The following DAAM2 variants were observed in gnomAD, a reference collection of about 807,000 sequenced individuals.
DAAM2 encodes the protein dishevelled associated activator of morphogenesis 2.
In DAAM2, 39 loss-of-function variants were observed where a neutral mutation model predicts 120.7. That is an observed-to-expected ratio of 0.32 (90% CI 0.25 to 0.42). The LOEUF (loss-of-function observed/expected upper bound fraction) is 0.42. Among genes scored for constraint, DAAM2 ranks in the 10% least tolerant of loss-of-function variants. DAAM2 has a pLI of 1.00. For synonymous variants in DAAM2, 488 were observed against 524.9 expected (o/e 0.93, Z 0.96); for missense variants, 1,283 against 1,401.7 (o/e 0.92, Z 1.35).
chr6:39,850,644 C>T (rs1763774734), intron 1 of DAAM2, among the ~76,000 whole-genome samples: 1 of 152,170 alleles, frequency 6.6e-6, no homozygotes. Flanking sequence ...CTTGCCTGAC[C>T]TCTGAGACTC....
intron 17 of DAAM2, among the ~76,000 whole-genome samples, chr6:39,889,447 T>C (rs1296571451): frequency 1.3e-5 from 2 of 152,150 alleles, no homozygotes; most frequent in African/African-American, 4.8e-5. Flanking sequence ...TGTGAAGCAA[T>C]TGGAATTCTC....
At chr6:39,810,031 A>G (rs554267122) in intron 1 of DAAM2, among the ~76,000 whole-genome samples, 1 of 152,294 alleles carries the variant, frequency 6.6e-6, no homozygotes, top group East Asian at 1.9e-4. Context: ...TCCATCTTCA[A>G]TCTGCATTCC....
chr6:39,827,092 C>T (rs1380674812), intron 1 of DAAM2, among the ~76,000 whole-genome samples: 1 of 152,122 alleles, frequency 6.6e-6, no homozygotes, highest in Non-Finnish European at 1.5e-5. Context: ...GTTGTTTCCA[C>T]TTAAGTAGAA....
rs140286991 is a variant in DAAM2, at chr6:39,824,165, G to A, written c.-57+31700G>A. On this transcript the variant is annotated intron_variant, in intron 1 of 24. Transcript: ENST00000274867. ...CCTAATTTTATCTCCTCAAGCGCAG[G>A]AGTCAATAGAACTTGGCTATCTCTG... Among the ~76,000 whole-genome samples, 588 of 152,294 alleles carry A rather than the reference G, an allele frequency of 3.9e-3. 2 individuals carry two copies. Among genetic ancestry groups the A allele is most frequent in the African/African-American group, 0.013 (531 of 41,564 alleles).
chr6:39,886,445 C>T (rs1213975383), intron 15 of DAAM2: 4 of 399,248 alleles, frequency 1.0e-5, no homozygotes, highest in Non-Finnish European at 1.3e-5. Context: ...TCCTTCTCAG[C>T]AGGTGAGTTA....
intron 9 of DAAM2, 112 bp downstream of exon 9, chr6:39,871,684 CTGGT>C: frequency 3.3e-6 from 3 of 906,670 alleles, no homozygotes; most frequent in Non-Finnish European, 5.0e-6. Flanking sequence ...GGCTGGTTCC[CTGGT>C]GGGCACCCCC....
At chr6:39,820,429 A>T (rs959929517) in intron 1 of DAAM2, 4 of 152,212 alleles carry the variant, frequency 2.6e-5, no homozygotes, top group Admixed American at 6.5e-5. Context: ...AATAGATTTA[A>T]TCATAGCCTT....
chr6:39,895,863 T>TGCTC lies in DAAM2; in HGVS notation c.2342-949_2342-948insGCTC, dbSNP rs1321831930. On this transcript the variant is annotated intron_variant, in intron 19 of 24. Transcript: ENST00000274867. ...TCTGGCAAAGATAACATTTAGAGCATTGGGGGAAAATGGTTAAGATGCCCA... is the reference window on the plus strand; with the variant it reads ...TCTGGCAAAGATAACATTTAGAGCATGCTCTGGGGGAAAATGGTTAAGATGCCCA... 2.2e-4 allele frequency among the ~76,000 whole-genome samples: 34 copies of TGCTC among 152,306 alleles called. No homozygotes were observed. In the East Asian group the frequency reaches 5.4e-3, roughly 24 times the overall value.
At chr6:39,803,975 A>T (rs1424146389) in intron 1 of DAAM2, among the ~76,000 whole-genome samples, 2 of 152,198 alleles carry the variant, frequency 1.3e-5, no homozygotes, top group Non-Finnish European at 2.9e-5. Context: ...GAATAGTCAC[A>T]GACTGAGACT....
intron 1 of DAAM2, among the ~76,000 whole-genome samples, chr6:39,806,574 A>T (rs1762014742): frequency 1.3e-5 from 2 of 151,716 alleles, no homozygotes; most frequent in South Asian, 4.2e-4. Context: ...GGCTTATTTA[A>T]AAAAAAATCC....
intron 3 of DAAM2, chr6:39,861,219 T>C: frequency 3.0e-6 from 2 of 657,844 alleles, no homozygotes; most frequent in Non-Finnish European, 5.6e-6. Context: ...GATTCTCTTT[T>C]TCAAAAACGC....
rs1293073248 is a variant in DAAM2, at chr6:39,904,551, T to A, written c.*2514T>A. On this transcript the variant is annotated 3_prime_UTR_variant, in exon 25 of 25. Transcript: ENST00000274867. The stretch of plus-strand genomic sequence containing the variant: ...GTCATCAACCTAACAAACACAACCT[T>A]CTCAGCAGCATTTCTCCCCTGTGAT... 1 of 453,758 alleles carries A rather than the reference T, an allele frequency of 2.2e-6. No homozygotes were observed. The highest frequency in any genetic ancestry group is 4.4e-6 in the Non-Finnish European group (1 of 226,972). The allele number at this position is 453,758 out of a possible 1,614,324, so 28.1% of individuals were successfully genotyped here.
Position 39,901,989 on chromosome 6 carries a change from G to A in DAAM2, c.3159G>A (p.Gln1053=). ...GCAGCCGCAAGCGATCAGGGAGCCA[G>A]GCCCTGGAAGTTACCCGGGAGCGGG... ...LKRSRKRSGS[Q]ALEVTRERAI... The change falls in exon 25 of 25, where the codon CAG becomes CAA. Residue 1053 remains glutamine, a synonymous_variant. Transcript: ENST00000274867. The surrounding 1 kb of genome is among the most constrained non-coding windows in gnomAD (Gnocchi z 4.5). 6.2e-7 allele frequency: 1 copy of A among 1,611,838 alleles called. No homozygotes were observed. The highest frequency in any genetic ancestry group is 8.5e-7 in the Non-Finnish European group (1 of 1,178,298).
At chr6:39,833,808 C>T (rs979677136) in intron 1 of DAAM2, among the ~76,000 whole-genome samples, 23 of 152,186 alleles carry the variant, frequency 1.5e-4, no homozygotes, top group African/African-American at 5.6e-4. Flanking sequence ...CTGGCATTTT[C>T]CAGAGGTAAA....
intron 1 of DAAM2, among the ~76,000 whole-genome samples, chr6:39,843,420 G>A (rs984743610): frequency 6.6e-6 from 1 of 152,168 alleles, no homozygotes; most frequent in African/African-American, 2.4e-5. Flanking sequence ...AAAGTAACTT[G>A]TCTCTGTTCA....
chr6:39,816,279 T>G (rs1762306987), intron 1 of DAAM2, among the ~76,000 whole-genome samples: 1 of 152,218 alleles, frequency 6.6e-6, no homozygotes, highest in Non-Finnish European at 1.5e-5. Flanking sequence ...AATGTATTTA[T>G]TTTTGCAATG....
intron 1 of DAAM2, among the ~76,000 whole-genome samples, chr6:39,837,618 G>C (rs1282899980): frequency 7.9e-6 from 1 of 126,816 alleles, no homozygotes; most frequent in Non-Finnish European, 1.5e-5. Flanking sequence ...AGCCGAGATC[G>C]CACCATTGCA....
intron 1 of DAAM2, among the ~76,000 whole-genome samples, chr6:39,831,784 G>T (rs1762905496): frequency 9.5e-6 from 1 of 105,654 alleles, no homozygotes; most frequent in Non-Finnish European, 1.9e-5. Flanking sequence ...GTACTGAGGG[G>T]GCAGGTGCAC....
intron 1 of DAAM2, among the ~76,000 whole-genome samples, chr6:39,840,854 G>C (rs1019508532): frequency 3.9e-5 from 6 of 152,054 alleles, no homozygotes; most frequent in African/African-American, 1.4e-4. Flanking sequence ...GGAAACAATA[G>C]ATCTGCCTGA....
Sources: gnomAD v4.1 joint callset for allele counts (sites outside exome capture counted in the v4.1 genomes callset) on GRCh38, gnomAD v4.1.1 for gene constraint, Gnocchi (gnomAD v3.1) non-coding constraint, MANE v1.5 for transcripts, NCBI Gene and HGNC (gene_info 2026-07-23, HGNC 2026-07-21) for gene names.